ATF7IP2: variants seen among roughly 807,000 people sequenced by gnomAD.
ATF7IP2 encodes activating transcription factor 7-interacting protein 2.
Under a neutral mutation model 64.2 loss-of-function variants are expected in ATF7IP2, and 42 were observed. The ratio of observed to expected loss-of-function variants is 0.65; its 90% CI spans 0.51 to 0.85. ATF7IP2 has a LOEUF of 0.85. Ranked by LOEUF, ATF7IP2 falls within the 40% of genes least tolerant of loss-of-function variation. ATF7IP2 has a pLI of 0.00. For synonymous variants in ATF7IP2, 308 were observed against 272.8 expected (o/e 1.13, Z -1.27); for missense variants, 933 against 784.2 (o/e 1.19, Z -2.27).
Position 10,457,517 on chromosome 16 carries a change from CTG to C in ATF7IP2, c.1342_1343del (p.Val448PhefsTer2). Reference sequence around the variant, plus strand: ...AATTTGTCATCAGATCAAAATAAGTCTGTTTCTGAAAGGTAGGTGTTTCTGCA... The same window carrying C: ...AATTTGTCATCAGATCAAAATAAGTCTTTCTGAAAGGTAGGTGTTTCTGCA... On this transcript the variant is annotated frameshift_variant, in exon 9 of 14. Coordinates refer to ENST00000562102, the MANE Select transcript of ATF7IP2 (RefSeq NM_001393719.1). LOFTEE classifies it high-confidence loss of function. The C allele has an allele frequency of 6.3e-7, 1 of 1,575,592 alleles. No individual in the cohort carries two copies. Among genetic ancestry groups the C allele is most frequent in the Non-Finnish European group, 8.6e-7 (1 of 1,166,566 alleles).
At chr16:10,444,093 C>T (rs983749407) in intron 8 of ATF7IP2, among the ~76,000 whole-genome samples, 2 of 152,080 alleles carry the variant, frequency 1.3e-5, no homozygotes, top group Non-Finnish European at 1.5e-5. Context: ...GGCTAGTTGC[C>T]TTTGGGTTTG....
At chr16:10,429,681 G>A (rs377290605) in intron 4 of ATF7IP2, among the ~76,000 whole-genome samples, 11 of 143,246 alleles carry the variant, frequency 7.7e-5, no homozygotes, top group African/African-American at 2.8e-4. Context: ...GGAATGTTAT[G>A]TATCTTAGTG....
rs2048574726 is a variant in ATF7IP2 at position 10,440,381 on chromosome 16, T to C, written c.1113T>C (p.Leu371=). 1 of 1,553,820 alleles carries C rather than the reference T, an allele frequency of 6.4e-7. No individual in the cohort carries two copies. The change falls in exon 8 of 14, where the codon CTT becomes CTC. Residue 371 remains leucine, a synonymous_variant. Transcript: ENST00000562102. ...ADKLLAKIAK[L]QRRIKTVLLF... is the part of the protein sequence containing the mutation. ...TCTTCTAGGCAAAAATAGCAAAACT[T>C]CAAAGACGTATTAAAACAGTATTAT... is the stretch of plus-strand genomic sequence containing the variant.
chr16:10,479,327 A>G (rs2050128736), intron 12 of ATF7IP2, among the ~76,000 whole-genome samples: 1 of 152,070 alleles, frequency 6.6e-6, no homozygotes, highest in Non-Finnish European at 1.5e-5. Context: ...AGCCATAAAA[A>G]ATGATGAGTT....
At chr16:10,432,978 A>T (rs965214317) in intron 5 of ATF7IP2, among the ~76,000 whole-genome samples, 1 of 152,164 alleles carries the variant, frequency 6.6e-6, no homozygotes, top group Non-Finnish European at 1.5e-5. Context: ...TTTTGTTCGT[A>T]TATGTGTATT....
intron 8 of ATF7IP2, among the ~76,000 whole-genome samples, chr16:10,443,316 C>G (rs943634263): frequency 7.9e-5 from 12 of 152,168 alleles, no homozygotes; most frequent in African/African-American, 2.2e-4. Context: ...GGGTGGCCCT[C>G]AGGGACTGAC....
intron 12 of ATF7IP2, among the ~76,000 whole-genome samples, chr16:10,475,143 G>A (rs13336386): frequency 0.092 from 11,353 of 123,304 alleles, 779 homozygotes; most frequent in African/African-American, 0.22. Context: ...CAGATGGAAA[G>A]TAGATCTACA....
At chr16:10,448,556 G>C (rs1192669910) in intron 8 of ATF7IP2, 2 of 152,010 alleles carry the variant, frequency 1.3e-5, no homozygotes, top group African/African-American at 2.4e-5. Context: ...CTCATGATTT[G>C]GTTCTCTGTT....
intron 2 of ATF7IP2, among the ~76,000 whole-genome samples, chr16:10,416,728 C>T (rs1040549652): frequency 1.3e-5 from 2 of 152,024 alleles, no homozygotes; most frequent in African/African-American, 2.4e-5. Context: ...ACCCAGTAGG[C>T]GGAGGTTGCA....
chr16:10,389,496 C>A lies in ATF7IP2; in HGVS notation c.-242+3374C>A, dbSNP rs755913971. On this transcript the variant is annotated intron_variant, in intron 1 of 13. Coordinates refer to ENST00000562102, the MANE Select transcript of ATF7IP2 (RefSeq NM_001393719.1). ...AACTCTTGGAACTGTGAGTGCTCCC[C>A]GTCCAGTGTTACCATCCCCTACCAT... 2.6e-5 allele frequency among the ~76,000 whole-genome samples: 4 copies of A among 152,100 alleles called. No individual in the cohort carries two copies. In the South Asian group the frequency reaches 8.3e-4, roughly 32 times the overall value.
intron 2 of ATF7IP2, among the ~76,000 whole-genome samples, chr16:10,419,241 G>C (rs942960065): frequency 2.0e-5 from 3 of 152,190 alleles, no homozygotes; most frequent in Non-Finnish European, 2.9e-5. Flanking sequence ...AGCCAAGATT[G>C]ATAGTGAGGG....
At chr16:10,456,336 G>T (rs1221485499) in intron 8 of ATF7IP2, among the ~76,000 whole-genome samples, 1 of 152,210 alleles carries the variant, frequency 6.6e-6, no homozygotes, top group Non-Finnish European at 1.5e-5. Flanking sequence ...GCCCCGGAGA[G>T]AAAGTCAAGA....
At chr16:10,421,953 T>G (rs2047995910) in intron 3 of ATF7IP2, among the ~76,000 whole-genome samples, 1 of 152,202 alleles carries the variant, frequency 6.6e-6, no homozygotes, top group Non-Finnish European at 1.5e-5. Flanking sequence ...AATCTATGAC[T>G]ATTAAAGGCC....
rs761260926 is a variant in ATF7IP2, at chr16:10,431,475, C to T, written c.835+20C>T. The T allele has an allele frequency of 1.4e-6, 2 of 1,466,336 alleles. No homozygotes were observed. Among genetic ancestry groups the T allele is most frequent in the African/African-American group, 1.4e-5 (1 of 70,562 alleles). The allele number at this position is 1,466,336 out of a possible 1,614,324, so 90.8% of individuals were successfully genotyped here. ...ACAACAGTAAGTATATACTTATGCA[C>T]CTTTTAGAAAAATTAAAATAGTCAC... On this transcript the variant is annotated intron_variant, in intron 5 of 13. Transcript: ENST00000562102.
intron 8 of ATF7IP2, among the ~76,000 whole-genome samples, chr16:10,445,079 C>T (rs141844776): frequency 1.2e-3 from 181 of 152,198 alleles, no homozygotes; most frequent in African/African-American, 3.7e-3. Context: ...AGTTTTCTTA[C>T]GTATTAAGCA....
At chr16:10,405,228 G>T (rs113244909) in intron 1 of ATF7IP2, among the ~76,000 whole-genome samples, 1 of 151,850 alleles carries the variant, frequency 6.6e-6, no homozygotes, top group Non-Finnish European at 1.5e-5. Flanking sequence ...AAAATTAGCC[G>T]AGTCTGGTGG....
intron 1 of ATF7IP2, among the ~76,000 whole-genome samples, chr16:10,410,691 T>A (rs1005169681): frequency 2.0e-5 from 3 of 152,238 alleles, no homozygotes; most frequent in African/African-American, 7.2e-5. Context: ...CTTGTTTCAC[T>A]TCTCAGAGGA....
chr16:10,418,152 C>T (rs2047915917), intron 2 of ATF7IP2, among the ~76,000 whole-genome samples: 2 of 152,164 alleles, frequency 1.3e-5, no homozygotes, highest in South Asian at 4.1e-4. Context: ...AAATGGGAAA[C>T]AAAGGGATGG....
At chr16:10,479,077 G>A (rs1281219723) in intron 12 of ATF7IP2, among the ~76,000 whole-genome samples, 5 of 150,958 alleles carry the variant, frequency 3.3e-5, no homozygotes, top group Admixed American at 3.3e-4. Context: ...TTCAACCCTT[G>A]TGGAAGTCAG....
Sources: gnomAD v4.1 joint callset for allele counts (sites outside exome capture counted in the v4.1 genomes callset) on GRCh38, gnomAD v4.1.1 for gene constraint, MANE v1.5 for transcripts, NCBI Gene and HGNC (gene_info 2026-07-23, HGNC 2026-07-21) for gene names.